Variants in AUTS2 observed in about 807,000 individuals in gnomAD.
AUTS2 encodes the protein autism susceptibility gene 2 protein.
In AUTS2, 17 loss-of-function variants were observed where a neutral mutation model predicts 112.4. The ratio of observed to expected loss-of-function variants is 0.15; its 90% CI spans 0.10 to 0.23. The LOEUF is 0.23. Ranked by LOEUF, AUTS2 falls within the 10% of genes least tolerant of loss-of-function variation. The probability of loss-of-function intolerance (pLI) is 1.00; values close to 1 mark genes in which losing one functional copy is unlikely to be tolerated. For missense variants in AUTS2, 1,510 were observed against 1,701.6 expected (o/e 0.89, Z 1.98); for synonymous variants, 751 against 702.7 (o/e 1.07, Z -1.09).
chr7:70,221,600 C>T (rs925357333), intron 4 of AUTS2, among the ~76,000 whole-genome samples: 2 of 152,156 alleles, frequency 1.3e-5, no homozygotes, highest in Admixed American at 1.3e-4. Flanking sequence ...TGGAATCATA[C>T]AGAACCTATC....
At chr7:70,629,148 T>C (rs1298599651) in intron 5 of AUTS2, among the ~76,000 whole-genome samples, 1 of 152,172 alleles carries the variant, frequency 6.6e-6, no homozygotes, top group Non-Finnish European at 1.5e-5. Flanking sequence ...GCAGCATGGA[T>C]GGCTCAGTGC....
intron 2 of AUTS2, 106 bp from the exon 3 acceptor site, chr7:70,118,026 G>A: frequency 1.5e-6 from 2 of 1,345,818 alleles, no homozygotes; most frequent in Middle Eastern, 1.9e-4. Flanking sequence ...GGGATTACAG[G>A]CGTGAGCCAC....
At chr7:70,132,465 A>G (rs1806328977) in intron 3 of AUTS2, among the ~76,000 whole-genome samples, 2 of 152,232 alleles carry the variant, frequency 1.3e-5, no homozygotes, top group South Asian at 4.1e-4. Flanking sequence ...GCCAATCGCC[A>G]TGAAAACACA....
intron 5 of AUTS2, among the ~76,000 whole-genome samples, chr7:70,615,173 T>C (rs1339027561): frequency 1.3e-5 from 2 of 152,184 alleles, no homozygotes; most frequent in Non-Finnish European, 2.9e-5. Context: ...ATGAGTTCCG[T>C]CTTCTGTAGT....
chr7:70,300,375 T>C (rs1789155290), intron 4 of AUTS2, among the ~76,000 whole-genome samples: 1 of 152,230 alleles, frequency 6.6e-6, no homozygotes, highest in South Asian at 2.1e-4. Context: ...CTAGATATTA[T>C]ATTTAATGTA....
At chr7:69,639,977 T>C (rs1362924053) in intron 1 of AUTS2, among the ~76,000 whole-genome samples, 1 of 152,214 alleles carries the variant, frequency 6.6e-6, no homozygotes, top group Admixed American at 6.5e-5. Context: ...AGATTCACTG[T>C]ATGATCTTGG....
intron 5 of AUTS2, among the ~76,000 whole-genome samples, chr7:70,545,012 A>C (rs1331395515): frequency 6.6e-6 from 1 of 152,170 alleles, no homozygotes; most frequent in Non-Finnish European, 1.5e-5. Flanking sequence ...CATCCTGAGA[A>C]GCCTCGCTTT....
At chr7:70,154,925 G>A (rs1178874534) in intron 4 of AUTS2, among the ~76,000 whole-genome samples, 1 of 152,070 alleles carries the variant, frequency 6.6e-6, no homozygotes, top group African/African-American at 2.4e-5. Context: ...TCATATGTTT[G>A]ACTGATGGGT....
intron 5 of AUTS2, among the ~76,000 whole-genome samples, chr7:70,493,303 A>T (rs1798322218): frequency 6.6e-6 from 1 of 152,184 alleles, no homozygotes; most frequent in Admixed American, 6.5e-5. Context: ...AGCTCTTTGA[A>T]TAGATCTTGC....
At chr7:69,729,718 A>C (rs1260184735) in intron 1 of AUTS2, among the ~76,000 whole-genome samples, 5 of 152,080 alleles carry the variant, frequency 3.3e-5, no homozygotes, top group African/African-American at 1.2e-4. Context: ...TAGAATAGTC[A>C]CAAGGTGCAT....
chr7:69,752,672 G>C (rs1787791176), intron 1 of AUTS2, among the ~76,000 whole-genome samples: 1 of 152,198 alleles, frequency 6.6e-6, no homozygotes, highest in Non-Finnish European at 1.5e-5. Context: ...ATTAATCTTT[G>C]AGAGGATGGA....
At chr7:69,608,454 C>G (rs1792851503) in intron 1 of AUTS2, among the ~76,000 whole-genome samples, 1 of 152,112 alleles carries the variant, frequency 6.6e-6, no homozygotes, top group African/African-American at 2.4e-5. Context: ...AGATTACAGT[C>G]CCATATTATA....
intron 4 of AUTS2, among the ~76,000 whole-genome samples, chr7:70,256,748 T>C (rs926421327): frequency 2.0e-5 from 3 of 152,150 alleles, no homozygotes; most frequent in Admixed American, 6.5e-5. Flanking sequence ...GCCAGTTGGG[T>C]TCATTTATCT....
intron 5 of AUTS2, among the ~76,000 whole-genome samples, chr7:70,467,696 G>A (rs1797221971): frequency 6.6e-6 from 1 of 152,184 alleles, no homozygotes; most frequent in Non-Finnish European, 1.5e-5. Context: ...GCCCTGGTAA[G>A]AGTAAGTAAA....
chr7:70,277,110 A>C (rs1033677565), intron 4 of AUTS2, among the ~76,000 whole-genome samples: 1 of 152,226 alleles, frequency 6.6e-6, no homozygotes, highest in Admixed American at 6.5e-5. Flanking sequence ...TTTGTAGGTC[A>C]CATTGAAGAG....
chr7:70,006,066 A>G (rs1799532960), intron 2 of AUTS2, among the ~76,000 whole-genome samples: 1 of 152,174 alleles, frequency 6.6e-6, no homozygotes, highest in African/African-American at 2.4e-5. Context: ...ACGGCCCACC[A>G]CTTCCAAGAA....
chr7:70,165,195 T>A (rs1324913933), intron 4 of AUTS2, among the ~76,000 whole-genome samples: 1 of 152,012 alleles, frequency 6.6e-6, no homozygotes, highest in African/African-American at 2.4e-5. Flanking sequence ...AAATAAAAAA[T>A]GGAGCATTGC....
intron 1 of AUTS2, among the ~76,000 whole-genome samples, chr7:69,627,456 A>G (rs930444163): frequency 6.6e-6 from 1 of 152,076 alleles, no homozygotes; most frequent in Non-Finnish European, 1.5e-5. Flanking sequence ...ACGCCATTGC[A>G]CTCCAACCTG....
chr7:70,198,127 G>C (rs2129584954), intron 4 of AUTS2, among the ~76,000 whole-genome samples: 1 of 140,282 alleles, frequency 7.1e-6, no homozygotes, highest in Non-Finnish European at 1.5e-5. Flanking sequence ...CTGCAGCTGA[G>C]GGTCCTGTCT....
Sources: gnomAD v4.1 joint callset for allele counts (sites outside exome capture counted in the v4.1 genomes callset) on GRCh38, gnomAD v4.1.1 for gene constraint, MANE v1.5 for transcripts, NCBI Gene and HGNC (gene_info 2026-07-23, HGNC 2026-07-21) for gene names.